The following LDLRAD1 variants were observed in gnomAD, a reference collection of about 807,000 sequenced individuals.
LDLRAD1 encodes low density lipoprotein receptor class A domain containing 1, also known as low-density lipoprotein receptor class A domain-containing protein 1.
Under a neutral mutation model 24.8 loss-of-function variants are expected in LDLRAD1, and 17 were observed. The observed-to-expected ratio is 0.69, with a 90% confidence interval of 0.47 to 1.03. LDLRAD1 has a LOEUF of 1.03. Ranked by LOEUF, LDLRAD1 falls within the 50% of genes least tolerant of loss-of-function variation. The probability of loss-of-function intolerance (pLI) is 0.00; values close to 1 mark genes in which losing one functional copy is unlikely to be tolerated. For synonymous variants in LDLRAD1, 103 were observed against 108.2 expected (o/e 0.95, Z 0.30); for missense variants, 277 against 271.0 (o/e 1.02, Z -0.16).
chr1:54,017,307 C>A, intron 2 of LDLRAD1, 69 bp downstream of exon 2: 1 of 1,331,998 alleles, frequency 7.5e-7, no homozygotes. Flanking sequence ...CTCCTCATGT[C>A]TCTATCGCCA....
chr1:54,013,070 G>A (rs1455229900), intron 3 of LDLRAD1, among the ~76,000 whole-genome samples: 1 of 151,964 alleles, frequency 6.6e-6, no homozygotes, highest in African/African-American at 2.4e-5. Flanking sequence ...GCGGCGGGGG[G>A]GAGCAACTCT....
Position 54,008,909 on chromosome 1 carries a change from A to G in LDLRAD1, c.*73T>C. 3.6e-6 allele frequency: 5 copies of G among 1,376,040 alleles called. No individual in the cohort carries two copies. Among genetic ancestry groups the G allele is most frequent in the South Asian group, 1.3e-5 (1 of 75,098 alleles). The allele number at this position is 1,376,040 out of a possible 1,614,324, so 85.2% of individuals were successfully genotyped here. A position where few individuals can be genotyped will look rare whatever the true frequency, so the allele number is the denominator to read the frequency against. ...AGGCTGCTTCCTGCCCTTGTGCGCT[A>G]GGATTTGATTTTCATGTGAAGGGTT... On this transcript the variant is annotated 3_prime_UTR_variant, in exon 6 of 6. Transcript: ENST00000371360.
chr1:54,017,588 C>T lies in LDLRAD1; in HGVS notation c.22-161G>A, dbSNP rs190224230. Among the ~76,000 whole-genome samples the T allele has an allele frequency of 3.9e-5, 6 of 152,324 alleles. No individual in the cohort carries two copies. The East Asian group carries it at 1.2e-3, about 29-fold the overall frequency. On this transcript the variant is annotated intron_variant, in intron 1 of 5. Transcript: ENST00000371360. ...TCACGCCCCAGATGCATCATGCCCG[C>T]TTCATATGTCCACACCTTTGCCTGC...
Position 54,008,892 on chromosome 1 carries a change from TCCTGCC to T in LDLRAD1, c.*84_*89del. 1 of 1,094,692 alleles carries T rather than the reference TCCTGCC, an allele frequency of 9.1e-7. No homozygotes were observed. Among genetic ancestry groups the T allele is most frequent in the Non-Finnish European group, 1.2e-6 (1 of 813,886 alleles). The allele number at this position is 1,094,692 out of a possible 1,614,324, so 67.8% of individuals were successfully genotyped here. The stretch of plus-strand genomic sequence containing the variant: ...TGTAGATCCCATTTCAAAGGCTGCT[TCCTGCC>T]CTTGTGCGCTAGGATTTGATTTTCA... On this transcript the variant is annotated 3_prime_UTR_variant, in exon 6 of 6. Coordinates refer to ENST00000371360, the MANE Select transcript of LDLRAD1 (RefSeq NM_001010978.4).
chr1:54,012,358 T>C, intron 3 of LDLRAD1, 78 bp from the exon 4 acceptor site: 1 of 1,519,120 alleles, frequency 6.6e-7, no homozygotes, highest in Non-Finnish European at 9.1e-7. Context: ...GAACTCCGCC[T>C]AGAGCTGGCC....
At chr1:54,009,370 A>G (rs1486546825) in intron 5 of LDLRAD1, among the ~76,000 whole-genome samples, 1 of 152,040 alleles carries the variant, frequency 6.6e-6, no homozygotes, top group East Asian at 1.9e-4. Flanking sequence ...GCTTGTTATC[A>G]AGCAAAGGAT....
rs1656211982 is a variant in LDLRAD1, at chr1:54,014,455, G to A, written c.74-91C>T. 3.2e-6 allele frequency: 4 copies of A among 1,257,126 alleles called. No homozygotes were observed. In the Admixed American group the frequency reaches 6.1e-5, roughly 19 times the overall value. 77.9% of individuals were successfully genotyped at this position (1,257,126 alleles called of 1,614,324 possible). A position where few individuals can be genotyped will look rare whatever the true frequency, so the allele number is the denominator to read the frequency against. ...TCCCTCTCCGCCCTGCCCGCTGCAAGCAGCCTCTCCCCCACGAGGGTGAGC... is the reference window on the plus strand; with the variant it reads ...TCCCTCTCCGCCCTGCCCGCTGCAAACAGCCTCTCCCCCACGAGGGTGAGC... On this transcript the variant is annotated intron_variant, in intron 2 of 5. Transcript: ENST00000371360.
chr1:54,014,461 T>C, intron 2 of LDLRAD1, 97 bp from the exon 3 acceptor site: 1 of 1,202,264 alleles, frequency 8.3e-7, no homozygotes, highest in Non-Finnish European at 1.2e-6. Flanking sequence ...GCAAGCAGCC[T>C]CTCCCCCACG....
intron 1 of LDLRAD1, 124 bp downstream of exon 1, chr1:54,017,968 C>G (rs74085130): frequency 0.047 from 43,416 of 922,324 alleles, 2,531 homozygotes; most frequent in African/African-American, 0.25. Flanking sequence ...CAGGGCGGCT[C>G]TTACCTGGGG....
intron 3 of LDLRAD1, 104 bp from the exon 4 acceptor site, chr1:54,012,384 G>C: frequency 7.8e-7 from 1 of 1,279,318 alleles, no homozygotes. Flanking sequence ...GGCTGGGGCA[G>C]TGGGGAGGAT....
rs1205998704 is a variant in LDLRAD1 at position 54,017,431 on chromosome 1, C to T, written c.22-4G>A. 1 of 1,599,152 alleles carries T rather than the reference C, an allele frequency of 6.3e-7. No individual in the cohort carries two copies. Among genetic ancestry groups the T allele is most frequent in the Non-Finnish European group, 8.5e-7 (1 of 1,171,934 alleles). On this transcript the variant is annotated splice_polypyrimidine_tract_variant and splice_region_variant and intron_variant, in intron 1 of 5. Coordinates refer to ENST00000371360, the MANE Select transcript of LDLRAD1 (RefSeq NM_001010978.4). ...CAGCAGTGTAGCCATTCTCTCCCTG[C>T]CCAAGAGAACAGAGTGAGGGGTGGG...
intron 2 of LDLRAD1, among the ~76,000 whole-genome samples, chr1:54,014,900 G>A (rs1656236500): frequency 6.6e-6 from 1 of 152,128 alleles, no homozygotes; most frequent in South Asian, 2.1e-4. Flanking sequence ...AGTCTGCTGG[G>A]ATGCAGGTTG....
At chr1:54,014,507 G>A in intron 2 of LDLRAD1, 143 bp from the exon 3 acceptor site, 5 of 796,380 alleles carry the variant, frequency 6.3e-6, no homozygotes, top group Middle Eastern at 3.7e-4. Flanking sequence ...CCCTGGAGGA[G>A]CAGCTCCCAA....
intron 4 of LDLRAD1, 27 bp downstream of exon 4, chr1:54,012,116 G>C (rs756937745): frequency 1.1e-5 from 17 of 1,611,366 alleles, no homozygotes; most frequent in Non-Finnish European, 1.4e-5. Context: ...GAACCCCTGG[G>C]AGGGGCAGCA....
In LDLRAD1 at chr1:54,018,144, G is replaced by GTGTGCA. The variant is rs1311911368; in HGVS notation, c.-38_-33dup. ...GGTTTCCTGCTGCCCGACTGGGGCT[G>GTGTGCA]TGTGCAGAGAGCTCAGCACGGGTTC... On this transcript the variant is annotated 5_prime_UTR_variant, in exon 1 of 6. It adds an upstream start codon to the 5' untranslated region. Transcript: ENST00000371360. The GTGTGCA allele has an allele frequency of 5.0e-6, 8 of 1,613,216 alleles. No homozygotes were observed. The highest frequency in any genetic ancestry group is 1.3e-5 in the African/African-American group (1 of 75,032).
chr1:54,016,795 T>A (rs1557664926), intron 2 of LDLRAD1, among the ~76,000 whole-genome samples: 1 of 152,192 alleles, frequency 6.6e-6, no homozygotes, highest in Non-Finnish European at 1.5e-5. Flanking sequence ...ATTAAAGAGA[T>A]CATGCAGTGC....
intron 1 of LDLRAD1, 46 bp downstream of exon 1, chr1:54,018,046 G>A: frequency 6.6e-7 from 1 of 1,520,972 alleles, no homozygotes; most frequent in South Asian, 1.1e-5. Context: ...CTCACTTGGG[G>A]ACAGCTCTTA....
At chr1:54,013,541 C>T (rs1364295759) in intron 3 of LDLRAD1, among the ~76,000 whole-genome samples, 1 of 151,976 alleles carries the variant, frequency 6.6e-6, no homozygotes, top group East Asian at 1.9e-4. Context: ...CCACTTGTCA[C>T]TCCAGCCCTT....
intron 2 of LDLRAD1, among the ~76,000 whole-genome samples, chr1:54,017,147 C>T (rs111491582): frequency 0.023 from 3,502 of 152,306 alleles, 55 homozygotes; most frequent in East Asian, 0.04. Flanking sequence ...AGGTAGGCAG[C>T]ACACAGTAGG....
Sources: gnomAD v4.1 joint callset for allele counts (sites outside exome capture counted in the v4.1 genomes callset) on GRCh38, gnomAD v4.1.1 for gene constraint, MANE v1.5 for transcripts, NCBI Gene and HGNC (gene_info 2026-07-23, HGNC 2026-07-21) for gene names.